The following ZNF705A variants were observed in gnomAD, a reference collection of about 807,000 sequenced individuals.
ZNF705A encodes the protein zinc finger protein 705A.
Under a neutral mutation model 16.6 loss-of-function variants are expected in ZNF705A, and 8 were observed. The observed-to-expected ratio is 0.48, with a 90% CI of 0.28 to 0.87. ZNF705A has a LOEUF of 0.87. Ranked by LOEUF, ZNF705A falls within the 40% of genes least tolerant of loss-of-function variation. ZNF705A has a pLI of 0.10. For missense variants in ZNF705A, 233 were observed against 359.9 expected, an observed-to-expected ratio of 0.65 and a Z score of 2.85; for synonymous variants, 73 against 117.3, an observed-to-expected ratio of 0.62 and a Z score of 2.44.
At chr12:8,172,344 G>T (rs1394690726), upstream of ZNF705A, among the ~76,000 whole-genome samples, 1 of 151,894 alleles carries the variant, frequency 6.6e-6, no homozygotes, top group Non-Finnish European at 1.5e-5. Flanking sequence ...TCATTCACAA[G>T]ATATCTGTGT....
intron 1 of ZNF705A, among the ~76,000 whole-genome samples, chr12:8,165,308 A>T (rs1181534951): frequency 1.8e-5 from 2 of 111,990 alleles, no homozygotes; most frequent in African/African-American, 3.7e-5. Flanking sequence ...TTTGAGATGG[A>T]GTCTCGCTCT....
chr12:8,157,267 T>G (rs545428184), intron 1 of ZNF705A, among the ~76,000 whole-genome samples, 175 bp downstream of exon 1: 1 of 152,164 alleles, frequency 6.6e-6, no homozygotes, highest in Non-Finnish European at 1.5e-5. Flanking sequence ...AAGTAAATTA[T>G]GAAATAGGCA....
At chr12:8,171,856 C>A (rs974486332), upstream of ZNF705A, among the ~76,000 whole-genome samples, 2 of 152,154 alleles carry the variant, frequency 1.3e-5, no homozygotes, top group African/African-American at 4.8e-5. Context: ...CCTGCTTCAG[C>A]CTCCTGAGTA....
exon 5 of ZNF705A, chr12:8,178,306 C>G (rs965732348): frequency 2.0e-5 from 3 of 153,048 alleles, no homozygotes; most frequent in African/African-American, 7.2e-5. Flanking sequence ...ATACCAAATA[C>G]TTCTTACTGG....
chr12:8,169,677 A>G (rs1948428918), upstream of ZNF705A, among the ~76,000 whole-genome samples: 2 of 152,256 alleles, frequency 1.3e-5, no homozygotes, highest in South Asian at 2.1e-4. Context: ...GCAAAAGAAT[A>G]TAGACATCAG....
upstream of ZNF705A, among the ~76,000 whole-genome samples, chr12:8,171,759 CAG>C (rs1948447322): frequency 6.6e-6 from 1 of 151,808 alleles, no homozygotes; most frequent in African/African-American, 2.4e-5. Context: ...TTTTTTGAGA[CAG>C]AGTCTCGCTC....
At chr12:8,172,159 C>G (rs1259691724), upstream of ZNF705A, among the ~76,000 whole-genome samples, 1 of 151,682 alleles carries the variant, frequency 6.6e-6, no homozygotes, top group Non-Finnish European at 1.5e-5. Flanking sequence ...AGAAACATTG[C>G]TAGGGCATAA....
chr12:8,167,948 G>A (rs1295388951), upstream of ZNF705A, among the ~76,000 whole-genome samples: 1 of 152,218 alleles, frequency 6.6e-6, no homozygotes, highest in Non-Finnish European at 1.5e-5. Flanking sequence ...CTTTAACCTT[G>A]ATCCTGCGAT....
At chr12:8,178,853 G>A (rs1948508536) in exon 5 of ZNF705A, 1 of 152,158 alleles carries the variant, frequency 6.6e-6, no homozygotes, top group Non-Finnish European at 1.5e-5. Flanking sequence ...ATTCTTGGTC[G>A]AGATTCTACC....
chr12:8,159,651 T>C (rs1166779068), intron 1 of ZNF705A, among the ~76,000 whole-genome samples: 2 of 123,226 alleles, frequency 1.6e-5, no homozygotes, highest in African/African-American at 6.9e-5. Context: ...CACTTTTTGA[T>C]GGGATTGTTT....
chr12:8,170,196 C>CAAAAAAAAAAAAAAAAAAAAAAA (rs1188328005), upstream of ZNF705A, among the ~76,000 whole-genome samples: 7 of 126,512 alleles, frequency 5.5e-5, no homozygotes, highest in African/African-American at 2.6e-4. Flanking sequence ...CCCCCCCCCC[C>CAAAAAAAAAAAAAAAAAAAAAAA]AAAAAAAAAA....
At chr12:8,177,228 A>G (rs1354601054) in exon 5 of ZNF705A, 1 of 1,611,592 alleles carries the variant, frequency 6.2e-7, no homozygotes, top group Non-Finnish European at 8.5e-7. Context: ...GCCTATACTA[A>G]TTGCTTTCGC....
Position 8,158,246 on chromosome 12 carries a change from T to G in ZNF705A, c.-72+1154T>G, listed in dbSNP as rs536108192. On this transcript the variant is annotated intron_variant, in intron 1 of 5. Transcript: ENST00000396570. Reference sequence around the variant, plus strand: ...TTTCTTCTTTAAAATGCAATCAAATTGAACATTTTTATTACCCGCAAAGTT... The same window carrying G: ...TTTCTTCTTTAAAATGCAATCAAATGGAACATTTTTATTACCCGCAAAGTT... 2.6e-4 allele frequency among the ~76,000 whole-genome samples: 39 copies of G among 152,274 alleles called. No individual in the cohort carries two copies. In the South Asian group the frequency reaches 8.1e-3, roughly 32 times the overall value.
At chr12:8,167,650 C>G (rs1177995180), upstream of ZNF705A, among the ~76,000 whole-genome samples, 1 of 152,140 alleles carries the variant, frequency 6.6e-6, no homozygotes, top group Non-Finnish European at 1.5e-5. Context: ...TCTCCAAGCA[C>G]TGAGATGTGA....
At chr12:8,165,278 A>ATT (rs36022408) in intron 1 of ZNF705A, among the ~76,000 whole-genome samples, 1,040 of 94,462 alleles carry the variant, frequency 0.011, 39 homozygotes, top group African/African-American at 0.044. Context: ...ATCTTTGCCC[A>ATT]TTTTTTTTTT....
chr12:8,165,466 T>TC (rs1432329396), intron 1 of ZNF705A, among the ~76,000 whole-genome samples: 1 of 148,340 alleles, frequency 6.7e-6, no homozygotes, highest in Non-Finnish European at 1.5e-5. Context: ...TTTTTTTTTT[T>TC]TTTTTTTTTA....
Position 8,166,134 on chromosome 12 carries a change from T to G in ZNF705A, c.-71-6421T>G, listed in dbSNP as rs555334720. Among the ~76,000 whole-genome samples, 45 of 152,330 alleles carry G rather than the reference T, an allele frequency of 3.0e-4. 1 individual carries two copies. The South Asian group carries it at 9.1e-3, about 31-fold the overall frequency. On this transcript the variant is annotated intron_variant, in intron 1 of 5. Coordinates refer to the ZNF705A transcript ENST00000396570. ...ATCTACCATTCTCGGGTCTGGAAGA[T>G]GGTGGCTGTCTTCTCAGAGCTCCAC...
At chr12:8,177,639 C>G in exon 5 of ZNF705A, 5 of 1,593,254 alleles carry the variant, frequency 3.1e-6, no homozygotes, top group Non-Finnish European at 3.4e-6. Context: ...TGTGGGAAAG[C>G]CTTCAGTCAA....
chr12:8,167,483 A>T (rs369015823), intron 1 of ZNF705A, among the ~76,000 whole-genome samples: 1 of 152,146 alleles, frequency 6.6e-6, no homozygotes, highest in Non-Finnish European at 1.5e-5. Context: ...TTTTTCATAT[A>T]TAAGGGGAAG....
Sources: allele counts gnomAD v4.1 joint callset (sites outside exome capture counted in the v4.1 genomes callset), GRCh38; gene constraint gnomAD v4.1.1; transcripts MANE v1.5; gene names NCBI Gene and HGNC (gene_info 2026-07-23, HGNC 2026-07-21).